Variants in GBP4 observed in about 807,000 individuals in gnomAD.
GBP4 encodes guanylate-binding protein 4.
A neutral mutation model predicts 62.2 loss-of-function variants in GBP4; 69 were observed. That is an observed-to-expected ratio of 1.11 (90% CI 0.91 to 1.36). The LOEUF is 1.36. Ranked by LOEUF, GBP4 falls within the 40% of genes most tolerant of loss-of-function variation. The pLI, the probability that GBP4 is intolerant of heterozygous loss-of-function variation, is 0.00. For synonymous variants in GBP4, 278 were observed against 274.6 expected (o/e 1.01, Z -0.12); for missense variants, 697 against 759.3 (o/e 0.92, Z 0.96).
intron 7 of GBP4, among the ~76,000 whole-genome samples, chr1:89,189,325 C>T (rs1268275074): frequency 6.6e-6 from 1 of 152,168 alleles, no homozygotes; most frequent in Non-Finnish European, 1.5e-5. Flanking sequence ...CATTTTATCA[C>T]TATGAATTAA....
At position 89,188,574 on chromosome 1, in the gene GBP4, T is replaced by C. The variant is rs764382688; in HGVS notation, c.1410+8A>G. The C allele has an allele frequency of 1.9e-6, 3 of 1,610,312 alleles. No individual in the cohort carries two copies. The highest frequency in any genetic ancestry group is 2.5e-6 in the Non-Finnish European group (3 of 1,176,500). ...CTGTTATCCATCCCCCATTCCCCTT[T>C]TCCTCACCTTAACTCCTTTTCTGGG... On this transcript the variant is annotated splice_region_variant and intron_variant, in intron 8 of 10. Coordinates refer to ENST00000355754, the MANE Select transcript of GBP4 (RefSeq NM_052941.5).
rs779739023 is a variant in GBP4 at position 89,188,610 on chromosome 1, T to C, written c.1382A>G (p.Tyr461Cys). Residue 461 changes from tyrosine (Y) to cysteine (C), a missense_variant, in exon 8 of 11, where the codon TAT becomes TGT. This residue lies in a region of GBP4 where 556 missense variants were observed against 562.7 expected (regional missense o/e 0.99). Coordinates refer to ENST00000355754, the MANE Select transcript of GBP4 (RefSeq NM_052941.5). ...AACTCCTTTTCTGGGCACTAGCTTA[T>C]AGTCCCACTCAACCTGTTTCTTTTC... ...LEEKKQVEWDYKLVPRKGVKA... is the reference protein window; with the variant it reads ...LEEKKQVEWDCKLVPRKGVKA... 17 of 1,614,060 alleles carry C rather than the reference T, an allele frequency of 1.1e-5. No homozygotes were observed. Among genetic ancestry groups the C allele is most frequent in the Non-Finnish European group, 1.3e-5 (15 of 1,179,980 alleles).
At chr1:89,192,798 A>G (rs534831893) in intron 5 of GBP4, 106 bp downstream of exon 5, 4 of 1,067,286 alleles carry the variant, frequency 3.7e-6, no homozygotes, top group Admixed American at 2.4e-5. Context: ...ATGGGCCTCA[A>G]ATCAATCCAG....
chr1:89,190,056 T>C lies in GBP4; in HGVS notation c.1179A>G (p.Glu393=). The change falls in exon 7 of 11, where the codon GAA becomes GAG. Residue 393 remains glutamate, a synonymous_variant. Transcript: ENST00000355754. ...MEHSFKDENH[E]FQKKLVDTIE... ...AAAGTACCACAAGCTTCTTCTGGAA[T>C]TCATGGTTTTCATCCTTGAAGGAGT... 6.2e-7 allele frequency: 1 copy of C among 1,608,314 alleles called. No homozygotes were observed. The highest frequency in any genetic ancestry group is 1.1e-5 in the South Asian group (1 of 90,866).
chr1:89,192,256 A>T (rs927981139), intron 5 of GBP4, among the ~76,000 whole-genome samples: 2 of 152,236 alleles, frequency 1.3e-5, no homozygotes, highest in Non-Finnish European at 2.9e-5. Flanking sequence ...TGCTAAATAT[A>T]GTCTGTTTAA....
In GBP4 at chr1:89,195,430, G is replaced by C; in HGVS notation, c.236-6C>G. 6.2e-7 allele frequency: 1 copy of C among 1,613,490 alleles called. No individual in the cohort carries two copies. The highest frequency in any genetic ancestry group is 8.5e-7 in the Non-Finnish European group (1 of 1,179,596). ...CGTGGAGCCCAGAGGGAAGCCTGCAGGGAAGAGGAAAAATAACAAACAGTA... is the reference window on the plus strand; with the variant it reads ...CGTGGAGCCCAGAGGGAAGCCTGCACGGAAGAGGAAAAATAACAAACAGTA... On this transcript the variant is annotated splice_region_variant and splice_polypyrimidine_tract_variant and intron_variant, in intron 2 of 10. Transcript: ENST00000355754.
chr1:89,188,779 T>C lies in GBP4; in HGVS notation c.1213A>G (p.Lys405Glu). 6.2e-7 allele frequency: 1 copy of C among 1,614,214 alleles called. No individual in the cohort carries two copies. The highest frequency in any genetic ancestry group is 8.5e-7 in the Non-Finnish European group (1 of 1,180,032). Residue 405 changes from lysine to glutamate, a missense_variant, in exon 8 of 11, where the codon AAG (lysine) becomes GAG (glutamate). This residue lies in a region of GBP4 where 556 missense variants were observed against 562.7 expected (regional missense o/e 0.99). Coordinates refer to ENST00000355754, the MANE Select transcript of GBP4 (RefSeq NM_052941.5). ...TTCTGCAGCACAAAGTCTCCCTTCT[T>C]TTTCTCTATGGTGTCCTGCCAGAAA... ...QKKLVDTIEK[K>E]KGDFVLQNEE...
rs369250923 is a variant in GBP4, at chr1:89,193,270, A to G, written c.473+33T>C. 13 of 1,601,802 alleles carry G rather than the reference A, an allele frequency of 8.1e-6. No homozygotes were observed. In the African/African-American group the frequency reaches 1.6e-4, roughly 20 times the overall value. ...ATCAATTCCCATTCCCCTAAACCCC[A>G]TAAAACCTGCTCTTCACTTCCCAGA... On this transcript the variant is annotated intron_variant, in intron 4 of 10. Coordinates refer to ENST00000355754, the MANE Select transcript of GBP4 (RefSeq NM_052941.5).
Position 89,188,576 on chromosome 1 carries a change from C to A in GBP4, c.1410+6G>T. On this transcript the variant is annotated splice_donor_region_variant and intron_variant, in intron 8 of 10. Transcript: ENST00000355754. ...GTTATCCATCCCCCATTCCCCTTTTCCTCACCTTAACTCCTTTTCTGGGCA... is the reference window on the plus strand; with the variant it reads ...GTTATCCATCCCCCATTCCCCTTTTACTCACCTTAACTCCTTTTCTGGGCA... 6.2e-7 allele frequency: 1 copy of A among 1,611,176 alleles called. No homozygotes were observed. Among genetic ancestry groups the A allele is most frequent in the Non-Finnish European group, 8.5e-7 (1 of 1,177,284 alleles).
intron 1 of GBP4, 80 bp from the exon 2 acceptor site, chr1:89,197,384 T>C: frequency 8.8e-7 from 1 of 1,133,450 alleles, no homozygotes; most frequent in Non-Finnish European, 1.2e-6. Context: ...ACATACATAT[T>C]AGCTTTTTGC....
intron 3 of GBP4, among the ~76,000 whole-genome samples, chr1:89,194,702 A>G (rs533524842): frequency 1.3e-5 from 2 of 152,378 alleles, no homozygotes; most frequent in South Asian, 4.1e-4. Context: ...ATGCTATTAA[A>G]GAAGTCAGTG....
Position 89,183,409 on chromosome 1 carries a change from A to G in GBP4, c.*1845T>C, listed in dbSNP as rs1255592319. 3 of 152,250 alleles carry G rather than the reference A, an allele frequency of 2.0e-5. No homozygotes were observed. The highest frequency in any genetic ancestry group is 4.4e-5 in the Non-Finnish European group (3 of 68,040). 9.4% of individuals were successfully genotyped at this position (152,250 alleles called of 1,614,324 possible). ...GCATACAAAAATCAACTTAAGAAGG[A>G]TTAAAGACTTAAATATAAAACATTA... On this transcript the variant is annotated 3_prime_UTR_variant, in exon 11 of 11. Coordinates refer to ENST00000355754, the MANE Select transcript of GBP4 (RefSeq NM_052941.5).
chr1:89,187,144 G>T (rs755773876), intron 8 of GBP4, 42 bp from the exon 9 acceptor site: 4 of 1,523,678 alleles, frequency 2.6e-6, no homozygotes, highest in Non-Finnish European at 3.6e-6. Flanking sequence ...AGGCAGCAAA[G>T]GTCTCATCTT....
rs756978096 is a variant in GBP4 at position 89,197,112 on chromosome 1, T to C, written c.233A>G (p.Asn78Ser). ...TCCTGTCCTAGGACCACACTCACCA[T>C]TGCGCTTTCCTGCAAGACGATTCAT... ...YLMNRLAGKR[N>S]GFPLGSTVQS... The change falls in exon 2 of 11, where the codon AAT (asparagine) becomes AGT (serine). Residue 78 changes from asparagine to serine, a missense_variant and splice_region_variant. By Grantham distance (46) the Asn-to-Ser change is conservative. Coordinates refer to ENST00000355754, the MANE Select transcript of GBP4 (RefSeq NM_052941.5). 1.2e-6 allele frequency: 2 copies of C among 1,610,938 alleles called. No homozygotes were observed. The highest frequency in any genetic ancestry group is 1.7e-5 in the Admixed American group (1 of 59,840).
chr1:89,186,416 T>C lies in GBP4; in HGVS notation c.1624A>G (p.Met542Val), dbSNP rs1489653962. The C allele has an allele frequency of 6.6e-7, 1 of 1,506,662 alleles. No homozygotes were observed. The highest frequency in any genetic ancestry group is 9.3e-7 in the Non-Finnish European group (1 of 1,079,464). 93.3% of individuals were successfully genotyped at this position (1,506,662 alleles called of 1,614,324 possible). A position where few individuals can be genotyped will look rare whatever the true frequency, so the allele number is the denominator to read the frequency against. Reference protein sequence around the residue: ...EAQERSFQEYMAQMEKKLEEE... With the variant: ...EAQERSFQEYVAQMEKKLEEE... ...TCCAACTTCTTCTCCATTTGGGCCA[T>C]GTATTCCTGGAAGCTTCTCTCTTGA... Residue 542 changes from methionine to valine, a missense_variant, in exon 10 of 11, where the codon ATG (methionine) becomes GTG (valine). Coordinates refer to ENST00000355754, the MANE Select transcript of GBP4 (RefSeq NM_052941.5).
chr1:89,191,258 C>T lies in GBP4; in HGVS notation c.916+3G>A. On this transcript the variant is annotated splice_donor_region_variant and intron_variant, in intron 6 of 10. Transcript: ENST00000355754. The stretch of plus-strand genomic sequence containing the variant: ...ACATGCTTTGGGACAAAAAAAGACT[C>T]ACGCTTTCCAGTGACAATGATTCCC... 6.2e-7 allele frequency: 1 copy of T among 1,610,346 alleles called. No individual in the cohort carries two copies. The highest frequency in any genetic ancestry group is 8.5e-7 in the Non-Finnish European group (1 of 1,176,738).
chr1:89,190,279 T>A lies in GBP4; in HGVS notation c.956A>T (p.Asn319Ile), dbSNP rs1198073596. The A allele has an allele frequency of 6.2e-7, 1 of 1,613,754 alleles. No individual in the cohort carries two copies. The highest frequency in any genetic ancestry group is 8.5e-7 in the Non-Finnish European group (1 of 1,179,692). ...CTCCAGACAAGGTACTGCTCCACTG[T>A]TGATGGCATCTACATAAGTCACCAC... is the stretch of plus-strand genomic sequence containing the variant. ...TLVVTYVDAI[N>I]SGAVPCLENA... The change falls in exon 7 of 11, where the codon AAC becomes ATC. Residue 319 changes from asparagine to isoleucine, a missense_variant. Physicochemically the swap from Asn to Ile is moderately radical, Grantham distance 149. Transcript: ENST00000355754.
intron 2 of GBP4, 91 bp downstream of exon 2, chr1:89,197,019 G>T: frequency 9.8e-7 from 1 of 1,016,006 alleles, no homozygotes; most frequent in Non-Finnish European, 1.4e-6. Flanking sequence ...GAGAAGTCAT[G>T]CCCTTCTTTA....
intron 7 of GBP4, among the ~76,000 whole-genome samples, chr1:89,189,096 A>G: frequency 6.6e-6 from 1 of 152,246 alleles, no homozygotes; most frequent in East Asian, 1.9e-4. Flanking sequence ...ATGAGCAGTA[A>G]AAAGTTGAAT....
Sources: allele counts gnomAD v4.1 joint callset (sites outside exome capture counted in the v4.1 genomes callset), GRCh38; gene constraint gnomAD v4.1.1; regional missense constraint gnomAD v4.1.1; transcripts MANE v1.5; gene names NCBI Gene and HGNC (gene_info 2026-07-23, HGNC 2026-07-21).